LARGE1: variants seen among roughly 807,000 people sequenced by gnomAD.
The protein encoded by LARGE1 is LARGE xylosyl- and glucuronyltransferase 1, also known as xylosyl- and glucuronyltransferase LARGE1.
Under a neutral mutation model 87.6 loss-of-function variants are expected in LARGE1, and 43 were observed. The ratio of observed to expected loss-of-function variants is 0.49; its 90% CI spans 0.38 to 0.63. LARGE1 has a LOEUF of 0.63. LARGE1 is among the 30% of genes least tolerant of loss of function. The pLI, the probability that LARGE1 is intolerant of heterozygous loss-of-function variation, is 0.00. For missense variants in LARGE1, 802 were observed against 1,000.2 expected (o/e 0.80, Z 2.67); for synonymous variants, 434 against 394.6 (o/e 1.10, Z -1.18).
Position 33,635,879 on chromosome 22 carries a change from T to C in LARGE1, c.409-9553A>G, listed in dbSNP as rs377562741. The stretch of plus-strand genomic sequence containing the variant: ...AACCATGGATGCAAAGACAAAGTTA[T>C]TTCAACTATGCAGAAAACAGAAGTA... On this transcript the variant is annotated intron_variant, in intron 3 of 14. Coordinates refer to ENST00000397394, the MANE Select transcript of LARGE1 (RefSeq NM_133642.5). Among the ~76,000 whole-genome samples the C allele has an allele frequency of 5.3e-5, 8 of 152,326 alleles. No homozygotes were observed. The East Asian group carries it at 1.4e-3, about 26-fold the overall frequency.
intron 6 of LARGE1, among the ~76,000 whole-genome samples, chr22:33,497,742 AT>A (rs2148339953): frequency 6.6e-6 from 1 of 152,362 alleles, no homozygotes; most frequent in East Asian, 1.9e-4. Flanking sequence ...TCTGTAGTTC[AT>A]ATAAGTAACT....
intron 2 of LARGE1, among the ~76,000 whole-genome samples, chr22:33,683,325 G>A (rs540896555): frequency 4.7e-4 from 72 of 152,286 alleles, no homozygotes; most frequent in Admixed American, 1.2e-3. Context: ...AGCTGAGCTG[G>A]GACACTGGTC....
rs776263666 is a variant in LARGE1 at position 33,183,618 on chromosome 22, A to ACG, written c.1731-16788_1731-16787dup. On this transcript the variant is annotated intron_variant, in intron 11 of 11. Transcript: ENST00000608642. Reference sequence around the variant, plus strand: ...ATGGATAAAACACACACACACACACACGCACACACACACACACACACACAC... The same window carrying ACG: ...ATGGATAAAACACACACACACACACACGCGCACACACACACACACACACACAC... Among the ~76,000 whole-genome samples, 6 of 107,720 alleles carry ACG rather than the reference A, an allele frequency of 5.6e-5. No individual in the cohort carries two copies. In the East Asian group the frequency reaches 7.0e-4, roughly 13 times the overall value. The allele number at this position is 107,720 out of a possible 152,430, so 70.7% of individuals were successfully genotyped here.
chr22:33,698,841 C>T (rs926227125), intron 2 of LARGE1, among the ~76,000 whole-genome samples: 7 of 152,218 alleles, frequency 4.6e-5, no homozygotes, highest in African/African-American at 2.4e-5. Flanking sequence ...CCTGACTTCA[C>T]TCTAGTGTCT....
chr22:33,607,813 A>T (rs1226526665), intron 4 of LARGE1, among the ~76,000 whole-genome samples: 1 of 152,224 alleles, frequency 6.6e-6, no homozygotes, highest in Non-Finnish European at 1.5e-5. Flanking sequence ...TGAATAAACG[A>T]ATCAAAAAGC....
At chr22:33,204,033 T>A (rs1403537994) in intron 11 of LARGE1, among the ~76,000 whole-genome samples, 3 of 152,146 alleles carry the variant, frequency 2.0e-5, no homozygotes, top group Non-Finnish European at 4.4e-5. Flanking sequence ...TTAATATCTT[T>A]GGGAGAGCAA....
At chr22:33,511,911 G>GC in intron 6 of LARGE1, among the ~76,000 whole-genome samples, 1 of 152,216 alleles carries the variant, frequency 6.6e-6, no homozygotes, top group Admixed American at 6.5e-5. Flanking sequence ...GGATGGGACT[G>GC]TAGCATATCT....
chr22:33,188,408 G>A (rs1268833949), intron 11 of LARGE1, among the ~76,000 whole-genome samples: 1 of 152,076 alleles, frequency 6.6e-6, no homozygotes, highest in Non-Finnish European at 1.5e-5. Context: ...ATCATTAAGG[G>A]GAAATGGGAT....
At position 33,785,210 on chromosome 22, in the gene LARGE1, T is replaced by G. The variant is rs1033425773; in HGVS notation, c.-82-23652A>C. Reference sequence around the variant, plus strand: ...ATACATATATGTGTATACATACATATGTGTATATACATATATGTGTATACA... The same window carrying G: ...ATACATATATGTGTATACATACATAGGTGTATATACATATATGTGTATACA... On this transcript the variant is annotated intron_variant, in intron 1 of 14. Transcript: ENST00000397394. 1.7e-4 allele frequency among the ~76,000 whole-genome samples: 25 copies of G among 150,786 alleles called. 1 individual carries two copies. The highest frequency in any genetic ancestry group is 5.7e-4 in the African/African-American group (23 of 40,694).
At chr22:33,401,843 TGGTATTTTGTTACGGCAGCCCTA>T (rs567995160) in intron 7 of LARGE1, among the ~76,000 whole-genome samples, 2 of 152,320 alleles carry the variant, frequency 1.3e-5, no homozygotes, top group South Asian at 4.1e-4. Context: ...ACCCAGTCTG[TGGTATTTTGTTACGGCAGCCCTA>T]GCAAACTAAC....
chr22:33,550,039 T>C (rs1357867258), intron 6 of LARGE1, among the ~76,000 whole-genome samples: 1 of 151,922 alleles, frequency 6.6e-6, no homozygotes, highest in Non-Finnish European at 1.5e-5. Context: ...GAGAAATACC[T>C]AATGTAAATG....
At position 33,850,115 on chromosome 22, in the gene LARGE1, C is replaced by T. The variant is rs149882041; in HGVS notation, c.-83+69880G>A. On this transcript the variant is annotated intron_variant, in intron 1 of 14. Coordinates refer to ENST00000397394, the MANE Select transcript of LARGE1 (RefSeq NM_133642.5). ...ATACTTCTGTTGCAGAAACTGCCAG[C>T]GACCACAACCACTCATATTTAAACC... is the stretch of plus-strand genomic sequence containing the variant. Among the ~76,000 whole-genome samples the T allele has an allele frequency of 5.7e-3, 864 of 152,162 alleles. 4 individuals are homozygous for T. The highest frequency in any genetic ancestry group is 8.6e-3 in the Non-Finnish European group (586 of 68,004).
intron 5 of LARGE1, among the ~76,000 whole-genome samples, chr22:33,569,364 C>A (rs1426460217): frequency 1.3e-5 from 2 of 152,186 alleles, no homozygotes; most frequent in Non-Finnish European, 2.9e-5. Context: ...CTCAGTTACA[C>A]TGCAAAACAG....
chr22:33,847,614 T>G (rs2063471896), intron 1 of LARGE1, among the ~76,000 whole-genome samples: 1 of 152,188 alleles, frequency 6.6e-6, no homozygotes, highest in African/African-American at 2.4e-5. Flanking sequence ...CCAGCCCCAT[T>G]AAATCCAGTC....
At chr22:33,717,534 A>G (rs2082948540) in intron 2 of LARGE1, among the ~76,000 whole-genome samples, 1 of 152,224 alleles carries the variant, frequency 6.6e-6, no homozygotes, top group Admixed American at 6.5e-5. Context: ...AGAAATCCAG[A>G]AAGCCACAGA....
the LARGE1 span, among the ~76,000 whole-genome samples, chr22:33,112,166 G>A: frequency 2.6e-4 from 40 of 152,318 alleles, no homozygotes; most frequent in South Asian, 7.2e-3. Context: ...GGAGCTGGCA[G>A]CCCAGTTAGG....
the LARGE1 span, among the ~76,000 whole-genome samples, chr22:33,089,321 T>TTCTTCTTCTTC: frequency 2.8e-4 from 24 of 87,084 alleles, no homozygotes; most frequent in East Asian, 1.8e-3. Context: ...TTCTTTCTTC[T>TTCTTCTTCTTC]TTCTTCTTCT....
chr22:33,416,849 C>T (rs1394295538), intron 7 of LARGE1, among the ~76,000 whole-genome samples: 1 of 150,444 alleles, frequency 6.6e-6, no homozygotes, highest in East Asian at 1.9e-4. Context: ...TGATCTGCTA[C>T]CAAGGCCTTG....
At chr22:33,906,340 T>C (rs2065455737) in intron 1 of LARGE1, among the ~76,000 whole-genome samples, 1 of 152,202 alleles carries the variant, frequency 6.6e-6, no homozygotes, top group Non-Finnish European at 1.5e-5. Flanking sequence ...AAAGTCTTCA[T>C]GTATTTCCCA....
Sources: gnomAD v4.1 joint callset for allele counts (sites outside exome capture counted in the v4.1 genomes callset) on GRCh38, gnomAD v4.1.1 for gene constraint, MANE v1.5 for transcripts, NCBI Gene and HGNC (gene_info 2026-07-23, HGNC 2026-07-21) for gene names.